The following SGCD variants were observed in gnomAD, a reference collection of about 807,000 sequenced individuals.
SGCD encodes delta-sarcoglycan.
A neutral mutation model predicts 36.6 loss-of-function variants in SGCD; 18 were observed. The ratio of observed to expected loss-of-function variants is 0.49; its 90% CI spans 0.34 to 0.73. The LOEUF is 0.73. SGCD is among the 30% of genes least tolerant of loss of function. The pLI is 0.01. For synonymous variants in SGCD, 133 were observed against 130.6 expected, an observed-to-expected ratio of 1.02 and a Z score of -0.12; for missense variants, 387 against 346.7, an observed-to-expected ratio of 1.12 and a Z score of -0.92.
In SGCD at chr5:156,527,040, C is replaced by T. The variant is rs562377133; in HGVS notation, c.294+18338C>T. Among the ~76,000 whole-genome samples the T allele has an allele frequency of 2.6e-5, 4 of 152,226 alleles. No individual in the cohort carries two copies. In the East Asian group the frequency reaches 7.7e-4, roughly 29 times the overall value. On this transcript the variant is annotated intron_variant, in intron 4 of 8. Transcript: ENST00000337851. ...ATGTCTAATTGTATGAGTTGAGGGCCACTGGGCAGGTAAGATTCCTCAAAT... is the reference window on the plus strand; with the variant it reads ...ATGTCTAATTGTATGAGTTGAGGGCTACTGGGCAGGTAAGATTCCTCAAAT...
intron 1 of SGCD, among the ~76,000 whole-genome samples, chr5:155,889,382 T>C (rs1288405101): frequency 3.3e-5 from 5 of 152,144 alleles, no homozygotes; most frequent in Non-Finnish European, 7.4e-5. Context: ...TAAGAGCTAA[T>C]GTTTCTATAA....
chr5:155,962,113 G>T (rs1423441461), intron 1 of SGCD, among the ~76,000 whole-genome samples: 1 of 152,054 alleles, frequency 6.6e-6, no homozygotes, highest in Non-Finnish European at 1.5e-5. Context: ...TCAAGAGGTT[G>T]TATGATCTAT....
intron 3 of SGCD, among the ~76,000 whole-genome samples, chr5:156,166,128 T>C (rs919137440): frequency 6.6e-6 from 1 of 152,206 alleles, no homozygotes. Context: ...CAGAGGGCTC[T>C]AGAATTTAAT....
At chr5:155,790,119 T>G in the SGCD span, among the ~76,000 whole-genome samples, 1 of 152,096 alleles carries the variant, frequency 6.6e-6, no homozygotes, top group Admixed American at 6.6e-5. Flanking sequence ...ACAATTCAAA[T>G]GCTGAAACAA....
At chr5:155,873,304 C>G (rs1429267712) in intron 1 of SGCD, among the ~76,000 whole-genome samples, 1 of 152,096 alleles carries the variant, frequency 6.6e-6, no homozygotes, top group East Asian at 1.9e-4. Context: ...AGTTAAAAAA[C>G]TAACATGCAG....
chr5:155,858,365 C>T, the SGCD span, among the ~76,000 whole-genome samples: 1 of 152,136 alleles, frequency 6.6e-6, no homozygotes, highest in Non-Finnish European at 1.5e-5. Context: ...CAAGACCTAT[C>T]AAATTGTACT....
intron 1 of SGCD, among the ~76,000 whole-genome samples, chr5:155,923,214 A>G (rs1756924288): frequency 6.6e-6 from 1 of 152,340 alleles, no homozygotes; most frequent in East Asian, 1.9e-4. Flanking sequence ...TGTATGTTAC[A>G]TAATACATGA....
the SGCD span, among the ~76,000 whole-genome samples, chr5:155,835,945 C>T: frequency 6.6e-6 from 1 of 152,256 alleles, no homozygotes; most frequent in East Asian, 1.9e-4. Context: ...ATAGCCTACC[C>T]ACCCTTTACT....
chr5:156,744,032 G>A (rs1186572806), intron 7 of SGCD, among the ~76,000 whole-genome samples: 1 of 152,162 alleles, frequency 6.6e-6, no homozygotes, highest in East Asian at 1.9e-4. Context: ...AGTTAAAACA[G>A]GGATACCTGA....
chr5:156,030,243 C>T (rs973681334), intron 1 of SGCD, among the ~76,000 whole-genome samples: 3 of 152,138 alleles, frequency 2.0e-5, no homozygotes, highest in African/African-American at 7.2e-5. Flanking sequence ...AAGTCCTATC[C>T]TGTAGGATCT....
intron 3 of SGCD, among the ~76,000 whole-genome samples, chr5:156,266,281 G>C (rs564750719): frequency 6.6e-6 from 1 of 152,128 alleles, no homozygotes; most frequent in African/African-American, 2.4e-5. Flanking sequence ...ATTTATATTG[G>C]AATAATGCTA....
chr5:156,416,209 A>T (rs1773021589), intron 3 of SGCD, among the ~76,000 whole-genome samples: 1 of 152,244 alleles, frequency 6.6e-6, no homozygotes, highest in South Asian at 2.1e-4. Context: ...AAATAATGGC[A>T]TTCACAGCAA....
intron 4 of SGCD, among the ~76,000 whole-genome samples, chr5:156,585,871 AC>A (rs1190842176): frequency 2.6e-5 from 4 of 152,158 alleles, no homozygotes; most frequent in African/African-American, 9.7e-5. Context: ...TAATAAAAAA[AC>A]TTTGTATTTT....
At chr5:156,758,938 T>C (rs1461589236) in intron 8 of SGCD, among the ~76,000 whole-genome samples, 1 of 152,210 alleles carries the variant, frequency 6.6e-6, no homozygotes, top group African/African-American at 2.4e-5. Flanking sequence ...ATTTTCACAT[T>C]TATTTGACTC....
chr5:156,592,413 A>G (rs1322552234), intron 5 of SGCD, among the ~76,000 whole-genome samples: 1 of 152,206 alleles, frequency 6.6e-6, no homozygotes, highest in Admixed American at 6.6e-5. Flanking sequence ...GATGCCATCA[A>G]GAAGATAGCT....
At chr5:156,690,443 A>G (rs946153001) in intron 7 of SGCD, among the ~76,000 whole-genome samples, 2 of 152,152 alleles carry the variant, frequency 1.3e-5, no homozygotes, top group Non-Finnish European at 2.9e-5. Context: ...GAATAGAAAG[A>G]GGTGGTATAA....
At chr5:156,077,075 C>T (rs577751856) in intron 1 of SGCD, among the ~76,000 whole-genome samples, 1 of 151,788 alleles carries the variant, frequency 6.6e-6, no homozygotes, top group East Asian at 1.9e-4. Context: ...CCATCTCCTC[C>T]CTCATTTCTT....
intron 1 of SGCD, among the ~76,000 whole-genome samples, chr5:156,024,082 A>C (rs1759169796): frequency 6.6e-6 from 1 of 152,154 alleles, no homozygotes. Flanking sequence ...AAGGCTGCAG[A>C]TTCTGGAGTT....
intron 8 of SGCD, among the ~76,000 whole-genome samples, 155 bp from the exon 9 acceptor site, chr5:156,759,062 G>T (rs1022820397): frequency 1.3e-5 from 2 of 152,158 alleles, no homozygotes; most frequent in Non-Finnish European, 2.9e-5. Flanking sequence ...TTTCCATCTT[G>T]TTGGTATCCA....
Sources: allele counts gnomAD v4.1 joint callset (sites outside exome capture counted in the v4.1 genomes callset), GRCh38; gene constraint gnomAD v4.1.1; transcripts MANE v1.5; gene names NCBI Gene and HGNC (gene_info 2026-07-23, HGNC 2026-07-21).